The following FHIT variants were observed in gnomAD, a reference collection of about 807,000 sequenced individuals.
The protein encoded by FHIT is fragile histidine triad diadenosine triphosphatase.
FHIT carries 19 observed loss-of-function variants against 17.9 expected under a neutral mutation model. The ratio of observed to expected loss-of-function variants is 1.06; its 90% CI spans 0.74 to 1.56. FHIT has a LOEUF of 1.56. Ranked by LOEUF, FHIT falls within the 40% of genes most tolerant of loss-of-function variation. The pLI is 0.00. For synonymous variants in FHIT, 81 were observed against 69.7 expected (o/e 1.16, Z -0.81); for missense variants, 248 against 189.2 (o/e 1.31, Z -1.82).
chr3:61,211,058 A>G (rs1486546855), intron 1 of FHIT, among the ~76,000 whole-genome samples: 2 of 151,944 alleles, frequency 1.3e-5, no homozygotes, highest in Admixed American at 6.5e-5. Flanking sequence ...TCCGGTCTAC[A>G]GCTCCCAGCA....
At chr3:60,326,587 G>C (rs67113918) in intron 5 of FHIT, among the ~76,000 whole-genome samples, 19,940 of 152,196 alleles carry the variant, frequency 0.13, 1,507 homozygotes, top group Non-Finnish European at 0.16. Context: ...CCATGGACTG[G>C]TCCATGACGC....
intron 5 of FHIT, among the ~76,000 whole-genome samples, chr3:60,162,440 C>T (rs1559688574): frequency 6.6e-6 from 1 of 152,126 alleles, no homozygotes; most frequent in Non-Finnish European, 1.5e-5. Flanking sequence ...TTTATTGACT[C>T]ATTTATGTAA....
intron 2 of FHIT, among the ~76,000 whole-genome samples, chr3:61,068,052 G>C (rs903990183): frequency 1.3e-5 from 2 of 152,206 alleles, no homozygotes; most frequent in African/African-American, 4.8e-5. Flanking sequence ...TTCTGATTAA[G>C]TAAGTGTAGG....
intron 1 of FHIT, among the ~76,000 whole-genome samples, chr3:61,240,651 T>C (rs1036995924): frequency 5.9e-5 from 9 of 152,194 alleles, no homozygotes; most frequent in African/African-American, 2.2e-4. Flanking sequence ...AAATCTGGGA[T>C]CTTTAAGGTA....
intron 5 of FHIT, among the ~76,000 whole-genome samples, chr3:60,167,832 A>G (rs758233040): frequency 2.0e-5 from 3 of 152,072 alleles, no homozygotes; most frequent in Non-Finnish European, 4.4e-5. Flanking sequence ...GGAATTTGAA[A>G]CCAGCCTGGG....
chr3:60,714,849 G>T (rs1201153435), intron 4 of FHIT, among the ~76,000 whole-genome samples: 1 of 152,140 alleles, frequency 6.6e-6, no homozygotes, highest in Non-Finnish European at 1.5e-5. Context: ...CATGAAAATG[G>T]CCATACTGCC....
At chr3:60,081,711 T>C (rs1703291748) in intron 5 of FHIT, among the ~76,000 whole-genome samples, 1 of 152,082 alleles carries the variant, frequency 6.6e-6, no homozygotes, top group African/African-American at 2.4e-5. Flanking sequence ...AAACCCCTAG[T>C]TTATTATAGA....
intron 8 of FHIT, among the ~76,000 whole-genome samples, chr3:59,856,726 A>G (rs1307573574): frequency 6.6e-6 from 1 of 152,048 alleles, no homozygotes; most frequent in Non-Finnish European, 1.5e-5. Flanking sequence ...CTTCTTTGCA[A>G]AATGGCTTTT....
At chr3:60,801,218 G>A (rs549086665) in intron 4 of FHIT, among the ~76,000 whole-genome samples, 1 of 152,122 alleles carries the variant, frequency 6.6e-6, no homozygotes. Context: ...CACCAGTCAG[G>A]GGTTATTCCG....
intron 5 of FHIT, among the ~76,000 whole-genome samples, chr3:60,239,074 G>T (rs369591578): frequency 6.6e-6 from 1 of 152,168 alleles, no homozygotes; most frequent in East Asian, 1.9e-4. Context: ...TTTCAGCCAT[G>T]AGTATTTGTG....
chr3:60,126,822 G>C (rs66933131), intron 5 of FHIT, among the ~76,000 whole-genome samples: 66,424 of 151,952 alleles, frequency 0.44, 14,845 homozygotes, highest in African/African-American at 0.48. Context: ...AAAGCCTAGT[G>C]TGAAAATTCA....
intron 8 of FHIT, among the ~76,000 whole-genome samples, chr3:59,830,060 A>G (rs187274055): frequency 1.3e-5 from 2 of 152,128 alleles, no homozygotes; most frequent in Non-Finnish European, 2.9e-5. Flanking sequence ...TGGGTGACAG[A>G]GACCCTGTCT....
intron 3 of FHIT, among the ~76,000 whole-genome samples, chr3:60,874,624 T>G (rs1553755893): frequency 6.6e-6 from 1 of 152,194 alleles, no homozygotes; most frequent in Non-Finnish European, 1.5e-5. Context: ...AGACTATGCA[T>G]CTGTCACTCT....
At chr3:60,356,705 T>A (rs1699665240) in intron 5 of FHIT, among the ~76,000 whole-genome samples, 1 of 114,568 alleles carries the variant, frequency 8.7e-6, no homozygotes. Flanking sequence ...TATTCTTTCC[T>A]ACGGAAAATT....
intron 2 of FHIT, among the ~76,000 whole-genome samples, chr3:61,104,405 T>G (rs1020406054): frequency 4.6e-5 from 7 of 152,218 alleles, no homozygotes; most frequent in Admixed American, 4.6e-4. Flanking sequence ...CCCAGTCTCT[T>G]CTGGCTTGTA....
intron 6 of FHIT, 151 bp downstream of exon 6, chr3:60,013,856 G>A (rs952166919): frequency 2.0e-5 from 15 of 743,408 alleles, no homozygotes; most frequent in African/African-American, 1.4e-4. Context: ...TGGACAGTAG[G>A]GTTGCCCTGC....
intron 8 of FHIT, among the ~76,000 whole-genome samples, chr3:59,788,954 G>A (rs1005949097): frequency 7.2e-6 from 1 of 138,236 alleles, no homozygotes; most frequent in Non-Finnish European, 1.5e-5. Flanking sequence ...AGAGACTTAT[G>A]AATGTTAAGA....
At chr3:60,981,965 C>G (rs559578386) in intron 3 of FHIT, among the ~76,000 whole-genome samples, 1 of 152,234 alleles carries the variant, frequency 6.6e-6, no homozygotes, top group South Asian at 2.1e-4. Flanking sequence ...TCGAGTCCTC[C>G]CCTTCACTCC....
At chr3:60,151,609 A>T (rs1296955377) in intron 5 of FHIT, among the ~76,000 whole-genome samples, 1 of 151,990 alleles carries the variant, frequency 6.6e-6, no homozygotes, top group Non-Finnish European at 1.5e-5. Flanking sequence ...TCTAATCCCA[A>T]TTCCTACCAC....
Sources: allele counts gnomAD v4.1 joint callset (sites outside exome capture counted in the v4.1 genomes callset), GRCh38; gene constraint gnomAD v4.1.1; transcripts MANE v1.5; gene names NCBI Gene and HGNC (gene_info 2026-07-23, HGNC 2026-07-21).